Variants in RAD51B observed in about 807,000 individuals in gnomAD.
The protein encoded by RAD51B is RAD51 paralog B.
In RAD51B, 38 loss-of-function variants were observed where a neutral mutation model predicts 42.2. The ratio of observed to expected loss-of-function variants is 0.90; its 90% CI spans 0.70 to 1.18. RAD51B has a LOEUF of 1.18. RAD51B is among the 50% of genes most tolerant of loss of function. The pLI is 0.00. For synonymous variants in RAD51B, 154 were observed against 145.2 expected (o/e 1.06, Z -0.43); for missense variants, 373 against 400.7 (o/e 0.93, Z 0.59).
intron 8 of RAD51B, among the ~76,000 whole-genome samples, chr14:68,324,920 A>G (rs2082221524): frequency 6.6e-6 from 1 of 152,224 alleles, no homozygotes; most frequent in South Asian, 2.1e-4. Flanking sequence ...CCTAGCATTT[A>G]TGCATTCTTC....
intron 7 of RAD51B, among the ~76,000 whole-genome samples, chr14:68,112,785 T>G (rs2140591634): frequency 6.6e-6 from 1 of 152,282 alleles, no homozygotes; most frequent in Non-Finnish European, 1.5e-5. Context: ...CTTTTTGAGC[T>G]AGTGCAATTA....
chr14:68,428,731 AT>A (rs2084918655), intron 9 of RAD51B, among the ~76,000 whole-genome samples: 3 of 11,376 alleles, frequency 2.6e-4, no homozygotes, highest in Non-Finnish European at 4.2e-4. Flanking sequence ...ATATATATAT[AT>A]ATATATATAT....
chr14:68,232,973 C>T (rs923270175), intron 7 of RAD51B, among the ~76,000 whole-genome samples: 1 of 152,188 alleles, frequency 6.6e-6, no homozygotes, highest in African/African-American at 2.4e-5. Context: ...ATAGAAAAAT[C>T]TAGAAGATAT....
At chr14:67,996,776 G>C (rs2075392657) in intron 7 of RAD51B, among the ~76,000 whole-genome samples, 1 of 152,200 alleles carries the variant, frequency 6.6e-6, no homozygotes, top group South Asian at 2.1e-4. Flanking sequence ...GCTGCTGGTT[G>C]ATACTAGGTT....
At chr14:67,899,322 T>G (rs2043533919) in intron 7 of RAD51B, among the ~76,000 whole-genome samples, 1 of 152,134 alleles carries the variant, frequency 6.6e-6, no homozygotes, top group African/African-American at 2.4e-5. Flanking sequence ...GTGCTGGGAT[T>G]ACAGGTGTGA....
chr14:68,007,779 A>G (rs1488255124), intron 7 of RAD51B, among the ~76,000 whole-genome samples: 1 of 152,040 alleles, frequency 6.6e-6, no homozygotes, highest in Non-Finnish European at 1.5e-5. Context: ...ATAAAGGGCA[A>G]ATATCTCCAT....
intron 10 of RAD51B, among the ~76,000 whole-genome samples, chr14:68,648,004 C>T (rs973788245): frequency 9.2e-6 from 1 of 108,690 alleles, no homozygotes; most frequent in Non-Finnish European, 1.8e-5. Flanking sequence ...AAAAATTGAG[C>T]ATATATATAT....
At chr14:68,384,227 A>T (rs557682930) in intron 8 of RAD51B, among the ~76,000 whole-genome samples, 18 of 152,366 alleles carry the variant, frequency 1.2e-4, no homozygotes, top group African/African-American at 4.1e-4. Context: ...TAAACATTTT[A>T]ACAAAGTGCA....
chr14:68,675,008 C>A (rs1432641048), intron 11 of RAD51B, among the ~76,000 whole-genome samples: 2 of 152,194 alleles, frequency 1.3e-5, no homozygotes, highest in African/African-American at 2.4e-5. Context: ...GTCAGATGGT[C>A]TGATAATGGG....
At chr14:67,916,522 C>T (rs4902534) in intron 7 of RAD51B, among the ~76,000 whole-genome samples, 9,016 of 151,990 alleles carry the variant, frequency 0.059, 623 homozygotes, top group African/African-American at 0.17. Flanking sequence ...GGATTGCAGA[C>T]GTGAGCCACA....
chr14:67,880,359 GT>G (rs2042866343), intron 5 of RAD51B, among the ~76,000 whole-genome samples: 1 of 152,174 alleles, frequency 6.6e-6, no homozygotes, highest in South Asian at 2.1e-4. Context: ...ATTCTTTCAA[GT>G]AAAAATGGTC....
intron 10 of RAD51B, chr14:68,563,330 C>G (rs1889249024): frequency 1.0e-6 from 1 of 985,296 alleles, no homozygotes; most frequent in Non-Finnish European, 1.2e-6. Context: ...GCTCCTTCTT[C>G]CCCTCCAGCT....
At chr14:68,648,256 G>A (rs1176231121) in intron 10 of RAD51B, among the ~76,000 whole-genome samples, 5 of 146,702 alleles carry the variant, frequency 3.4e-5, no homozygotes, top group South Asian at 2.1e-4. Flanking sequence ...AACTCTGTAC[G>A]TGCTCAAAGT....
intron 7 of RAD51B, among the ~76,000 whole-genome samples, chr14:68,026,657 A>G (rs1209706556): frequency 2.0e-5 from 3 of 151,978 alleles, no homozygotes; most frequent in Non-Finnish European, 2.9e-5. Flanking sequence ...TGATATAAGA[A>G]TAGTAACTCC....
At chr14:68,499,053 G>T (rs890167116) in intron 10 of RAD51B, among the ~76,000 whole-genome samples, 1 of 152,166 alleles carries the variant, frequency 6.6e-6, no homozygotes, top group Non-Finnish European at 1.5e-5. Context: ...GTGAGTGTGG[G>T]GCCTCTGGAG....
At chr14:68,298,903 G>A (rs1399814460) in intron 8 of RAD51B, among the ~76,000 whole-genome samples, 3 of 152,166 alleles carry the variant, frequency 2.0e-5, no homozygotes, top group Non-Finnish European at 4.4e-5. Context: ...TTGTAATGTG[G>A]CATGAAGCGT....
intron 10 of RAD51B, among the ~76,000 whole-genome samples, chr14:68,601,721 CT>C (rs1891227036): frequency 1.3e-5 from 2 of 152,140 alleles, no homozygotes; most frequent in Admixed American, 6.5e-5. Context: ...CCCACAAATG[CT>C]GCCCTCCACA....
At chr14:68,369,182 A>G (rs1227785632) in intron 8 of RAD51B, among the ~76,000 whole-genome samples, 1 of 152,202 alleles carries the variant, frequency 6.6e-6, no homozygotes, top group Admixed American at 6.5e-5. Context: ...TTGAGTCTCA[A>G]GGTTGTTTAT....
chr14:67,932,124 C>T (rs1266964303), intron 7 of RAD51B, among the ~76,000 whole-genome samples: 1 of 152,148 alleles, frequency 6.6e-6, no homozygotes, highest in Admixed American at 6.5e-5. Context: ...CTTTGTCTTC[C>T]TCCCTCCCTC....
Sources: allele counts gnomAD v4.1 joint callset (sites outside exome capture counted in the v4.1 genomes callset), GRCh38; gene constraint gnomAD v4.1.1; transcripts MANE v1.5; gene names NCBI Gene and HGNC (gene_info 2026-07-23, HGNC 2026-07-21).